Variants in AGO2 observed in about 807,000 individuals in gnomAD.
AGO2 encodes protein argonaute-2.
AGO2 carries 5 observed loss-of-function variants against 102.3 expected under a neutral mutation model. The ratio of observed to expected loss-of-function variants is 0.05; its 90% CI spans 0.03 to 0.10. AGO2 has a LOEUF of 0.10. AGO2 is among the 10% of genes least tolerant of loss of function. AGO2 has a pLI of 1.00. For missense variants in AGO2, 541 were observed against 1,183.7 expected (o/e 0.46, Z 7.97); for synonymous variants, 449 against 473.1 (o/e 0.95, Z 0.66).
intron 2 of AGO2, among the ~76,000 whole-genome samples, chr8:140,574,217 C>G (rs930732273): frequency 1.8e-4 from 26 of 143,256 alleles, no homozygotes; most frequent in African/African-American, 6.4e-4. Flanking sequence ...CAGCTCTGTT[C>G]CAAAGAGGTA....
intron 13 of AGO2, 72 bp from the exon 14 acceptor site, chr8:140,544,375 T>A (rs149364642): frequency 1.3e-4 from 174 of 1,306,724 alleles, no homozygotes; most frequent in Middle Eastern, 1.8e-4. Context: ...GGTGCCACCA[T>A]CACCTTTTGG....
At chr8:140,619,224 G>C (rs2074182765) in intron 1 of AGO2, among the ~76,000 whole-genome samples, 1 of 152,212 alleles carries the variant, frequency 6.6e-6, no homozygotes, top group Non-Finnish European at 1.5e-5. Context: ...CTAGGGATGG[G>C]CTGTGGCGCA....
chr8:140,619,892 C>T (rs749418565), intron 1 of AGO2, among the ~76,000 whole-genome samples: 15 of 152,116 alleles, frequency 9.9e-5, no homozygotes, highest in Non-Finnish European at 2.1e-4. Context: ...AACATGAACG[C>T]GGGGGATAAG....
chr8:140,590,274 G>A (rs1157801664), intron 1 of AGO2, among the ~76,000 whole-genome samples: 1 of 152,184 alleles, frequency 6.6e-6, no homozygotes, highest in African/African-American at 2.4e-5. Flanking sequence ...ACCTCGACAG[G>A]GGCTCTGGAG....
intron 1 of AGO2, among the ~76,000 whole-genome samples, chr8:140,614,008 C>G (rs1356538052): frequency 8.5e-6 from 1 of 117,128 alleles, no homozygotes; most frequent in African/African-American, 3.3e-5. Context: ...AGAGCAAGAC[C>G]CTGTCTCAAA....
At chr8:140,543,347 T>C (rs1436814341) in intron 14 of AGO2, among the ~76,000 whole-genome samples, 1 of 152,200 alleles carries the variant, frequency 6.6e-6, no homozygotes, top group Non-Finnish European at 1.5e-5. Flanking sequence ...CCAGAGCACA[T>C]ATCATGTTGC....
intron 1 of AGO2, among the ~76,000 whole-genome samples, chr8:140,597,591 G>T (rs186525925): frequency 6.7e-6 from 1 of 148,264 alleles, no homozygotes; most frequent in East Asian, 2.0e-4. Context: ...TGAGCATTCA[G>T]AAATCTCAGG....
At chr8:140,609,323 G>A (rs951000373) in intron 1 of AGO2, among the ~76,000 whole-genome samples, 1 of 152,254 alleles carries the variant, frequency 6.6e-6, no homozygotes, top group African/African-American at 2.4e-5. Flanking sequence ...ACACCCGGCA[G>A]AGCGGTGGGC....
rs867540919 is a variant in AGO2, at chr8:140,566,623, G to T, written c.337-3989C>A. The stretch of plus-strand genomic sequence containing the variant: ...CTTTCTTTTTTTTTTTTTTTTGGGG[G>T]GGGGGAAGGTGTCCCGCTCTCAGTT... On this transcript the variant is annotated intron_variant, in intron 3 of 18. Transcript: ENST00000220592. Among the ~76,000 whole-genome samples the T allele has an allele frequency of 1.2e-3, 183 of 150,876 alleles. 2 individuals are homozygous for T. Among genetic ancestry groups the T allele is most frequent in the East Asian group, 4.6e-3 (24 of 5,164 alleles).
chr8:140,606,744 C>CTGACCAACA (rs1273718275), intron 1 of AGO2, among the ~76,000 whole-genome samples: 1 of 151,920 alleles, frequency 6.6e-6, no homozygotes, highest in Non-Finnish European at 1.5e-5. Context: ...GGAGACCAGC[C>CTGACCAACA]TGACCAACAT....
chr8:140,562,477 A>G lies in AGO2; in HGVS notation c.494T>C (p.Val165Ala). Residue 165 changes from valine (V) to alanine (A), a missense_variant, in exon 4 of 19, where the codon GTC (valine) becomes GCC (alanine). This residue lies in a region of AGO2 where 26 missense variants were observed against 52.0 expected (regional missense o/e 0.50). Coordinates refer to ENST00000220592, the MANE Select transcript of AGO2 (RefSeq NM_012154.5). ...PFETIQALDV[V>A]MRHLPSMRYT... is the part of the protein sequence containing the mutation. ...CCTCATGGATGGCAAGTGCCTCATGACCACGTCCAGGGCCTGGATCGTCTC... is the reference window on the plus strand; with the variant it reads ...CCTCATGGATGGCAAGTGCCTCATGGCCACGTCCAGGGCCTGGATCGTCTC... 6.2e-7 allele frequency: 1 copy of G among 1,612,894 alleles called. No homozygotes were observed. Among genetic ancestry groups the G allele is most frequent in the Non-Finnish European group, 8.5e-7 (1 of 1,179,704 alleles).
At chr8:140,591,202 G>A (rs575706628) in intron 1 of AGO2, among the ~76,000 whole-genome samples, 5 of 152,346 alleles carry the variant, frequency 3.3e-5, no homozygotes, top group East Asian at 1.9e-4. Context: ...GAAGGCTTTC[G>A]TTTCTGTTCT....
At chr8:140,597,013 T>G (rs1322551444) in intron 1 of AGO2, among the ~76,000 whole-genome samples, 1 of 152,166 alleles carries the variant, frequency 6.6e-6, no homozygotes, top group African/African-American at 2.4e-5. Context: ...TTCTGCACCG[T>G]TGCTGGTGAA....
intron 1 of AGO2, among the ~76,000 whole-genome samples, chr8:140,616,832 G>A (rs941732852): frequency 6.6e-6 from 1 of 152,232 alleles, no homozygotes; most frequent in Non-Finnish European, 1.5e-5. Context: ...CAGGGGCTGA[G>A]CACAGGTGGA....
Position 140,531,981 on chromosome 8 carries a change from G to A in AGO2, c.*63C>T. 1 of 1,408,438 alleles carries A rather than the reference G, an allele frequency of 7.1e-7. No individual in the cohort carries two copies. The highest frequency in any genetic ancestry group is 1.7e-5 in the Admixed American group (1 of 58,940). The allele number at this position is 1,408,438 out of a possible 1,614,324, so 87.2% of individuals were successfully genotyped here. ...GTCACGGAAGGGCTGGCCATCTGTT[G>A]GTCTGAGTGTAGCTGGTCTCGTGAA... On this transcript the variant is annotated 3_prime_UTR_variant, in exon 19 of 19. Transcript: ENST00000220592.
chr8:140,594,736 G>T (rs1183391700), intron 1 of AGO2, among the ~76,000 whole-genome samples: 1 of 152,002 alleles, frequency 6.6e-6, no homozygotes, highest in African/African-American at 2.4e-5. Flanking sequence ...TGAGCCTGGG[G>T]AGGTCAAGGC....
At chr8:140,614,687 C>T (rs1311594360) in intron 1 of AGO2, among the ~76,000 whole-genome samples, 3 of 152,194 alleles carry the variant, frequency 2.0e-5, no homozygotes, top group Admixed American at 2.0e-4. Flanking sequence ...CTGGAGGCAC[C>T]ACCAGGTCTG....
intron 1 of AGO2, among the ~76,000 whole-genome samples, chr8:140,604,163 G>A (rs533459653): frequency 4.6e-5 from 7 of 152,360 alleles, no homozygotes; most frequent in Non-Finnish European, 1.0e-4. Flanking sequence ...AGGCGCACCA[G>A]GGAAACGACG....
At chr8:140,552,740 GCACACACACACACACACA>G (rs58668484) in intron 10 of AGO2, among the ~76,000 whole-genome samples, 2 of 130,886 alleles carry the variant, frequency 1.5e-5, no homozygotes, top group Non-Finnish European at 3.3e-5. Context: ...GCGCGCGCGC[GCACACACACACACACACA>G]CACACACACA....
Sources: gnomAD v4.1 joint callset for allele counts (sites outside exome capture counted in the v4.1 genomes callset) on GRCh38, gnomAD v4.1.1 for gene constraint, gnomAD v4.1.1 regional missense constraint, MANE v1.5 for transcripts, NCBI Gene and HGNC (gene_info 2026-07-23, HGNC 2026-07-21) for gene names.